Variants in SHROOM3 observed in about 807,000 individuals in gnomAD.
The protein encoded by SHROOM3 is shroom family member 3, also known as protein Shroom3.
Under a neutral mutation model 138.6 loss-of-function variants are expected in SHROOM3, and 47 were observed. That is an observed-to-expected ratio of 0.34 (90% confidence interval 0.27 to 0.43). SHROOM3 has a LOEUF of 0.43. SHROOM3 is among the 20% of genes least tolerant of loss of function. SHROOM3 has a pLI of 1.00. For synonymous variants in SHROOM3, 1,062 were observed against 1,063.3 expected (o/e 1.00, Z 0.02); for missense variants, 2,491 against 2,596.5 (o/e 0.96, Z 0.88).
At chr4:76,519,635 A>G (rs1732521827) in intron 1 of SHROOM3, among the ~76,000 whole-genome samples, 1 of 152,182 alleles carries the variant, frequency 6.6e-6, no homozygotes, top group Non-Finnish European at 1.5e-5. Context: ...TGCTGGGCTT[A>G]TGAAGAGGCA....
intron 1 of SHROOM3, among the ~76,000 whole-genome samples, chr4:76,518,508 C>T (rs201179295): frequency 0.012 from 234 of 19,400 alleles, 2 homozygotes; most frequent in East Asian, 0.096. Context: ...TCCTTCCTTC[C>T]TTCTTTCCTT....
intron 2 of SHROOM3, among the ~76,000 whole-genome samples, chr4:76,692,330 G>A (rs560874907): frequency 1.3e-5 from 2 of 152,352 alleles, no homozygotes; most frequent in Admixed American, 1.3e-4. Flanking sequence ...TTTACTGTGT[G>A]GGAGGCATCC....
chr4:76,519,355 G>A (rs1363743028), intron 1 of SHROOM3, among the ~76,000 whole-genome samples: 1 of 152,050 alleles, frequency 6.6e-6, no homozygotes, highest in Non-Finnish European at 1.5e-5. Context: ...ATGTTCAGAG[G>A]GTGCATTTAA....
intron 2 of SHROOM3, among the ~76,000 whole-genome samples, chr4:76,631,687 T>G (rs1007037852): frequency 1.3e-5 from 2 of 152,192 alleles, no homozygotes; most frequent in Non-Finnish European, 2.9e-5. Flanking sequence ...ACGTAGGGCC[T>G]CATAGGCCAT....
At chr4:76,518,908 G>C (rs768314341) in intron 1 of SHROOM3, among the ~76,000 whole-genome samples, 1 of 152,154 alleles carries the variant, frequency 6.6e-6, no homozygotes, top group South Asian at 2.1e-4. Flanking sequence ...ACATACCCTA[G>C]AGATCACTGG....
intron 6 of SHROOM3, among the ~76,000 whole-genome samples, chr4:76,754,104 T>C (rs570089197): frequency 6.6e-6 from 1 of 152,324 alleles, no homozygotes; most frequent in African/African-American, 2.4e-5. Flanking sequence ...CATGTGACAT[T>C]TTCCTGTAGG....
chr4:76,701,452 CTA>C (rs1426540289), intron 2 of SHROOM3, among the ~76,000 whole-genome samples: 2 of 152,176 alleles, frequency 1.3e-5, no homozygotes, highest in Non-Finnish European at 2.9e-5. Flanking sequence ...AACTGTCCCT[CTA>C]TGAGGCTGTC....
At chr4:76,545,790 A>G (rs1733204596) in intron 1 of SHROOM3, among the ~76,000 whole-genome samples, 1 of 152,176 alleles carries the variant, frequency 6.6e-6, no homozygotes, top group African/African-American at 2.4e-5. Flanking sequence ...TATTGTTCCC[A>G]TATTAGGTGT....
At chr4:76,759,840 T>C (rs1721938356) in intron 9 of SHROOM3, 145 bp downstream of exon 9, 2 of 915,566 alleles carry the variant, frequency 2.2e-6, no homozygotes, top group Non-Finnish European at 3.5e-6. Flanking sequence ...CATTAGACTT[T>C]GGATTTACAT....
intron 2 of SHROOM3, among the ~76,000 whole-genome samples, chr4:76,563,214 GAA>G (rs1418604277): frequency 6.6e-6 from 1 of 152,174 alleles, no homozygotes; most frequent in Non-Finnish European, 1.5e-5. Flanking sequence ...ACAGTCTCAT[GAA>G]AAGTTACCTG....
In SHROOM3 at chr4:76,544,407, C is replaced by CTTT. The variant is rs58799466; in HGVS notation, c.169-11177_169-11175dup. 4.6e-3 allele frequency among the ~76,000 whole-genome samples: 352 copies of CTTT among 75,864 alleles called. 57 individuals are homozygous for CTTT. Among genetic ancestry groups the CTTT allele is most frequent in the African/African-American group, 0.011 (253 of 23,618 alleles). The allele number at this position is 75,864 out of a possible 152,430, so 49.8% of individuals were successfully genotyped here. On this transcript the variant is annotated intron_variant, in intron 1 of 10. Transcript: ENST00000296043. ...AAAAAATTTTAAGATAGCTCAATGG[C>CTTT]TTTTTTTTTTTTTTTTTTTTTTTTT...
intron 1 of SHROOM3, among the ~76,000 whole-genome samples, chr4:76,485,906 T>C (rs527854747): frequency 2.0e-5 from 3 of 152,332 alleles, no homozygotes; most frequent in Non-Finnish European, 4.4e-5. Flanking sequence ...TCCTACATAG[T>C]CATATGACTC....
intron 3 of SHROOM3, among the ~76,000 whole-genome samples, chr4:76,711,654 C>T (rs1163002857): frequency 6.6e-6 from 1 of 152,152 alleles, no homozygotes; most frequent in Non-Finnish European, 1.5e-5. Context: ...GATTGAGTCA[C>T]TGCGCTCTAG....
intron 2 of SHROOM3, chr4:76,639,438 G>A (rs1366151249): frequency 1.3e-5 from 5 of 395,380 alleles, no homozygotes; most frequent in Admixed American, 8.8e-5. Flanking sequence ...GCACCTACAC[G>A]GGGGAGTTCT....
At chr4:76,484,251 T>C (rs1731680425) in intron 1 of SHROOM3, among the ~76,000 whole-genome samples, 1 of 151,918 alleles carries the variant, frequency 6.6e-6, no homozygotes, top group African/African-American at 2.4e-5. Flanking sequence ...GAACAGGAAA[T>C]AGATGATACA....
intron 1 of SHROOM3, among the ~76,000 whole-genome samples, chr4:76,507,901 A>G (rs1227772270): frequency 6.6e-6 from 1 of 152,126 alleles, no homozygotes; most frequent in Admixed American, 6.5e-5. Flanking sequence ...CTCATTTTAA[A>G]AATTGAATTG....
At chr4:76,633,181 GCTA>G (rs1246892087) in intron 2 of SHROOM3, among the ~76,000 whole-genome samples, 1 of 151,404 alleles carries the variant, frequency 6.6e-6, no homozygotes, top group Non-Finnish European at 1.5e-5. Context: ...GACCATCCTG[GCTA>G]ACTTGGTGAG....
Position 76,741,959 on chromosome 4 carries a change from T to C in SHROOM3, c.3753+33T>C. 2 of 1,604,950 alleles carry C rather than the reference T, an allele frequency of 1.2e-6. No individual in the cohort carries two copies. Among genetic ancestry groups the C allele is most frequent in the East Asian group, 2.2e-5 (1 of 44,608 alleles). ...CAACCAGCAAGTCCTGGCCTCGAAC[T>C]GTCCCTTCCTCCCTAGAAGCTTTAG... On this transcript the variant is annotated intron_variant, in intron 5 of 10. Transcript: ENST00000296043. This position sits in a 1 kb window ranked among gnomAD's most constrained non-coding sequence, Gnocchi z 6.2.
At chr4:76,600,207 C>G (rs1389562137) in intron 2 of SHROOM3, among the ~76,000 whole-genome samples, 1 of 152,144 alleles carries the variant, frequency 6.6e-6, no homozygotes, top group Non-Finnish European at 1.5e-5. Context: ...GCTTTTGCAG[C>G]CTTTGATTAT....
Sources: gnomAD v4.1 joint callset for allele counts (sites outside exome capture counted in the v4.1 genomes callset) on GRCh38, gnomAD v4.1.1 for gene constraint, Gnocchi (gnomAD v3.1) non-coding constraint, MANE v1.5 for transcripts, NCBI Gene and HGNC (gene_info 2026-07-23, HGNC 2026-07-21) for gene names.